DEAF1: variants seen among roughly 807,000 people sequenced by gnomAD.
DEAF1 encodes deformed epidermal autoregulatory factor 1 homolog.
Under a neutral mutation model 58.9 loss-of-function variants are expected in DEAF1, and 53 were observed. That is an observed-to-expected ratio of 0.90 (90% CI 0.72 to 1.13). The LOEUF (loss-of-function observed/expected upper bound fraction) is 1.13. DEAF1 is among the 50% of genes most tolerant of loss of function. DEAF1 has a pLI of 0.00. For missense variants in DEAF1, 685 were observed against 791.4 expected, an observed-to-expected ratio of 0.87 and a Z score of 1.61; for synonymous variants, 385 against 340.4, an observed-to-expected ratio of 1.13 and a Z score of -1.44.
At chr11:675,067 C>T (rs1172299548) in intron 9 of DEAF1, among the ~76,000 whole-genome samples, 1 of 152,034 alleles carries the variant, frequency 6.6e-6, no homozygotes, top group Non-Finnish European at 1.5e-5. Flanking sequence ...GCCTGTAGTC[C>T]CAGCTACCTC....
chr11:678,616 A>T, intron 9 of DEAF1, 78 bp downstream of exon 9: 2 of 1,604,496 alleles, frequency 1.2e-6, no homozygotes, highest in South Asian at 2.2e-5. Flanking sequence ...AATGAATCCC[A>T]TTTCACTTAG....
intron 6 of DEAF1, among the ~76,000 whole-genome samples, chr11:682,676 G>A (rs1391965206): frequency 1.3e-5 from 2 of 152,140 alleles, no homozygotes; most frequent in African/African-American, 4.8e-5. Context: ...CTGTGTGGGG[G>A]GCAGCAGCCT....
chr11:659,417 AAG>A (rs1381964131), intron 10 of DEAF1, among the ~76,000 whole-genome samples: 2 of 152,090 alleles, frequency 1.3e-5, no homozygotes, highest in Non-Finnish European at 2.9e-5. Context: ...AATAATAAAA[AAG>A]AAAACCTAGA....
upstream of DEAF1, chr11:698,011 A>C (rs559883394): frequency 6.6e-6 from 1 of 152,286 alleles, no homozygotes; most frequent in South Asian, 2.1e-4. Flanking sequence ...TGAAGGGGAA[A>C]TAGAACAGAG....
intron 1 of DEAF1, chr11:692,252 C>G (rs115579475): frequency 6.1e-6 from 1 of 163,914 alleles, no homozygotes; most frequent in African/African-American, 2.4e-5. Flanking sequence ...GCAGTTACCA[C>G]AGAGGTCAGC....
At position 694,802 on chromosome 11, in the gene DEAF1, G is replaced by A. The variant is rs1861035063; in HGVS notation, c.246C>T (p.Ala82=). 7.1e-7 allele frequency: 1 copy of A among 1,402,814 alleles called. No individual in the cohort carries two copies. The allele number at this position is 1,402,814 out of a possible 1,614,324, so 86.9% of individuals were successfully genotyped here. ...CGGCGGCCTCGTCGGGGCCGGGCAG[G>A]GCCTCGGCGCCCATGTCCATGTGCC... ...EPGHMDMGAE[A]LPGPDEAAAA... The change falls in exon 1 of 12, where the codon GCC becomes GCT. Residue 82 remains alanine, a synonymous_variant. Transcript: ENST00000382409.
intron 10 of DEAF1, among the ~76,000 whole-genome samples, chr11:660,073 C>T (rs746973616): frequency 2.0e-5 from 3 of 152,192 alleles, no homozygotes; most frequent in African/African-American, 4.8e-5. Context: ...GCAGAGGGCT[C>T]CCCATGACTG....
chr11:683,958 G>A (rs968841946), intron 6 of DEAF1, among the ~76,000 whole-genome samples: 1 of 152,130 alleles, frequency 6.6e-6, no homozygotes, highest in Admixed American at 6.6e-5. Context: ...CTCCTGCAGC[G>A]TCTCTAAGAG....
intron 10 of DEAF1, among the ~76,000 whole-genome samples, chr11:668,392 G>A (rs1041177372): frequency 6.6e-6 from 1 of 152,158 alleles, no homozygotes; most frequent in Non-Finnish European, 1.5e-5. Flanking sequence ...ACCACGAAAA[G>A]TATATACATG....
At chr11:645,313 TG>T (rs888562811) in intron 11 of DEAF1, among the ~76,000 whole-genome samples, 2 of 152,032 alleles carry the variant, frequency 1.3e-5, no homozygotes, top group African/African-American at 4.8e-5. Flanking sequence ...TCAAGTTCTG[TG>T]GGGGTTTTTT....
chr11:654,143 C>A lies in DEAF1; in HGVS notation c.1504-92G>T. Reference sequence around the variant, plus strand: ...AGAGGCAGGTGCAGGCAGGAGGCCCCAAGTTCCCCCCATTGGACCCCCTTT... The same window carrying A: ...AGAGGCAGGTGCAGGCAGGAGGCCCAAAGTTCCCCCCATTGGACCCCCTTT... On this transcript the variant is annotated intron_variant, in intron 10 of 11. Transcript: ENST00000382409. The A allele has an allele frequency of 6.5e-6, 6 of 930,202 alleles. No individual in the cohort carries two copies. The Admixed American group carries it at 9.9e-5, about 15-fold the overall frequency. The allele number at this position is 930,202 out of a possible 1,614,324, so 57.6% of individuals were successfully genotyped here.
chr11:703,423 C>T lies in DEAF1; in HGVS notation c.-438+3149G>A, dbSNP rs1483484185. On this transcript the variant is annotated intron_variant, in intron 1 of 11. Coordinates refer to the DEAF1 transcript ENST00000683307. ...TGAGTCCCAGGAGCGCACACTCAGC[C>T]CTGTCAGTGGGGTCTGGCTTTAGCA... The T allele has an allele frequency of 6.1e-6, 8 of 1,309,296 alleles. No individual in the cohort carries two copies. The Admixed American group carries it at 3.1e-4, about 51-fold the overall frequency. The allele number at this position is 1,309,296 out of a possible 1,614,324, so 81.1% of individuals were successfully genotyped here.
chr11:675,082 G>T (rs1859995992), intron 9 of DEAF1, among the ~76,000 whole-genome samples: 1 of 152,224 alleles, frequency 6.6e-6, no homozygotes, highest in Non-Finnish European at 1.5e-5. Context: ...TACCTCGGGA[G>T]GCTGAGGCAG....
intron 1 of DEAF1, chr11:704,506 G>A (rs751251365): frequency 1.0e-4 from 131 of 1,289,112 alleles, no homozygotes; most frequent in Non-Finnish European, 1.1e-4. Flanking sequence ...TGAGCGCCTC[G>A]GGCCACCTCC....
upstream of DEAF1, chr11:695,496 A>G (rs1346760126): frequency 5.8e-6 from 5 of 866,232 alleles, no homozygotes; most frequent in East Asian, 1.7e-4. Context: ...GGCCGGCGCA[A>G]TTCTGCCTCT....
chr11:691,429 G>A, intron 2 of DEAF1, 72 bp downstream of exon 2: 1 of 1,416,460 alleles, frequency 7.1e-7, no homozygotes, highest in Non-Finnish European at 9.8e-7. Context: ...AACCCCGGGA[G>A]AGCCTCGGGG....
intron 9 of DEAF1, among the ~76,000 whole-genome samples, chr11:676,482 T>C (rs1312395718): frequency 2.0e-5 from 3 of 150,808 alleles, no homozygotes; most frequent in African/African-American, 4.9e-5. Flanking sequence ...GACCCTGAAA[T>C]GTTCGCAGAA....
At chr11:702,206 C>T (rs1051911168) in intron 1 of DEAF1, among the ~76,000 whole-genome samples, 4 of 152,360 alleles carry the variant, frequency 2.6e-5, no homozygotes, top group African/African-American at 9.6e-5. Flanking sequence ...CTCAGCTGCC[C>T]ATCCCACTGA....
At chr11:670,524 C>T (rs1272950215) in intron 10 of DEAF1, among the ~76,000 whole-genome samples, 6 of 151,438 alleles carry the variant, frequency 4.0e-5, no homozygotes, top group African/African-American at 1.5e-4. Flanking sequence ...AGACCAGCCT[C>T]GCCAACATGG....
Sources: gnomAD v4.1 joint callset for allele counts (sites outside exome capture counted in the v4.1 genomes callset) on GRCh38, gnomAD v4.1.1 for gene constraint, MANE v1.5 for transcripts, NCBI Gene and HGNC (gene_info 2026-07-23, HGNC 2026-07-21) for gene names.